Variants in TYR observed in about 807,000 individuals in gnomAD.
TYR encodes the protein tyrosinase.
In TYR, 58 loss-of-function variants were observed where a neutral mutation model predicts 51.5. The observed-to-expected ratio is 1.13, with a 90% confidence interval of 0.91 to 1.40. The LOEUF (loss-of-function observed/expected upper bound fraction) is 1.40. Among genes scored for constraint, TYR ranks in the 40% most tolerant of loss-of-function variants. The pLI is 0.00. For missense variants in TYR, 732 were observed against 647.4 expected (o/e 1.13, Z -1.42); for synonymous variants, 263 against 235.2 (o/e 1.12, Z -1.08).
chr11:89,294,063 G>A (rs1288551569), intron 4 of TYR: 1 of 174,796 alleles, frequency 5.7e-6, no homozygotes, highest in African/African-American at 2.4e-5. Flanking sequence ...ATTAAGGAAT[G>A]TTTCAATTAA....
intron 4 of TYR, among the ~76,000 whole-genome samples, chr11:89,288,108 A>G (rs2135326720): frequency 6.6e-6 from 1 of 152,070 alleles, no homozygotes; most frequent in Admixed American, 6.6e-5. Flanking sequence ...TGGGACGGCA[A>G]GGTGAATGTC....
At position 89,178,153 on chromosome 11, in the gene TYR, C is replaced by T; in HGVS notation, c.200C>T (p.Pro67Leu). ...NILLSNAPLG[P>L]QFPFTGVDDR... ...CTTCTGTCCAATGCACCACTTGGGC[C>T]TCAATTTCCCTTCACAGGGGTGGAT... Residue 67 changes from proline (P) to leucine (L), a missense_variant, in exon 1 of 5, where the codon CCT becomes CTT. Coordinates refer to ENST00000263321, the MANE Select transcript of TYR (RefSeq NM_000372.5). The T allele has an allele frequency of 6.2e-7, 1 of 1,614,188 alleles. No individual in the cohort carries two copies. Among genetic ancestry groups the T allele is most frequent in the South Asian group, 1.1e-5 (1 of 91,084 alleles).
rs779383280 is a variant in TYR at position 89,178,032 on chromosome 11, T to C, written c.79T>C (p.Ser27Pro). ...CCATTTCCCTAGAGCCTGTGTCTCC[T>C]CTAAGAACCTGATGGAGAAGGAATG... ...AGHFPRACVS[S>P]KNLMEKECCP... The change falls in exon 1 of 5, where the codon TCT (serine) becomes CCT (proline). Residue 27 changes from serine to proline, a missense_variant. By Grantham distance (74) the Ser-to-Pro change is moderately conservative. Coordinates refer to ENST00000263321, the MANE Select transcript of TYR (RefSeq NM_000372.5). 1.2e-6 allele frequency: 2 copies of C among 1,614,152 alleles called. No individual in the cohort carries two copies. Among genetic ancestry groups the C allele is most frequent in the Non-Finnish European group, 1.7e-6 (2 of 1,180,010 alleles).
At chr11:89,271,714 T>C (rs1306254077) in intron 3 of TYR, among the ~76,000 whole-genome samples, 2 of 151,928 alleles carry the variant, frequency 1.3e-5, no homozygotes, top group African/African-American at 4.8e-5. Flanking sequence ...TGCTGTTTGA[T>C]AGCATTTTGC....
At chr11:89,198,099 A>G (rs980993883) in intron 2 of TYR, among the ~76,000 whole-genome samples, 3 of 152,118 alleles carry the variant, frequency 2.0e-5, no homozygotes, top group South Asian at 2.1e-4. Context: ...TGACATTTAA[A>G]CAAGAATAGT....
intron 2 of TYR, among the ~76,000 whole-genome samples, chr11:89,222,467 G>A (rs889737030): frequency 1.8e-4 from 27 of 152,248 alleles, no homozygotes; most frequent in African/African-American, 6.0e-4. Flanking sequence ...TGCCGGGCAC[G>A]GTGTCTCACG....
At chr11:89,212,756 C>A (rs1377544104) in intron 2 of TYR, among the ~76,000 whole-genome samples, 2 of 152,212 alleles carry the variant, frequency 1.3e-5, no homozygotes, top group Non-Finnish European at 2.9e-5. Flanking sequence ...AAGTTGGCTT[C>A]ATCCCCGGGA....
intron 2 of TYR, among the ~76,000 whole-genome samples, chr11:89,209,207 G>C (rs566069489): frequency 1.3e-5 from 2 of 152,334 alleles, no homozygotes; most frequent in East Asian, 3.9e-4. Context: ...GTGAGTGACT[G>C]TACCTGGAGG....
At chr11:89,255,268 T>A (rs1331121762) in intron 3 of TYR, among the ~76,000 whole-genome samples, 1 of 151,838 alleles carries the variant, frequency 6.6e-6, no homozygotes, top group Admixed American at 6.6e-5. Flanking sequence ...CATGTGCTGA[T>A]GAATAGAATG....
chr11:89,185,821 T>C (rs933515347), intron 1 of TYR, among the ~76,000 whole-genome samples: 2 of 152,062 alleles, frequency 1.3e-5, no homozygotes, highest in African/African-American at 4.8e-5. Flanking sequence ...CTAAGAAAAA[T>C]AAAAAAATAT....
At chr11:89,182,943 C>T (rs1251304409) in intron 1 of TYR, among the ~76,000 whole-genome samples, 2 of 151,958 alleles carry the variant, frequency 1.3e-5, no homozygotes, top group African/African-American at 4.8e-5. Context: ...GTGAAAAGCA[C>T]ATCACATGGA....
chr11:89,264,026 TC>T (rs1349120515), intron 3 of TYR, among the ~76,000 whole-genome samples: 1 of 152,064 alleles, frequency 6.6e-6, no homozygotes, highest in Admixed American at 6.6e-5. Flanking sequence ...TAGTAGATTT[TC>T]TTGAATAAAT....
intron 3 of TYR, among the ~76,000 whole-genome samples, chr11:89,257,628 C>A (rs528734056): frequency 2.8e-4 from 42 of 152,034 alleles, no homozygotes; most frequent in African/African-American, 9.6e-4. Context: ...CAGACAGACA[C>A]AAATTAGGTT....
chr11:89,193,799 T>A (rs78563361), intron 2 of TYR, among the ~76,000 whole-genome samples: 1,597 of 152,280 alleles, frequency 0.01, 16 homozygotes, highest in Non-Finnish European at 0.018. Flanking sequence ...TACAGAGATG[T>A]TGTGAAAATA....
At chr11:89,219,362 T>C (rs1466739084) in intron 2 of TYR, among the ~76,000 whole-genome samples, 1 of 150,890 alleles carries the variant, frequency 6.6e-6, no homozygotes. Flanking sequence ...AGTGGAGCGA[T>C]CTTGGCTCTC....
At chr11:89,290,038 C>T (rs1306597337) in intron 4 of TYR, among the ~76,000 whole-genome samples, 2 of 152,100 alleles carry the variant, frequency 1.3e-5, no homozygotes, top group African/African-American at 2.4e-5. Flanking sequence ...GTAATGGCCC[C>T]TAACTACTTC....
chr11:89,210,045 C>G (rs1467735816), intron 2 of TYR, among the ~76,000 whole-genome samples: 8 of 152,098 alleles, frequency 5.3e-5, no homozygotes, highest in Admixed American at 5.2e-4. Flanking sequence ...ATTCCAAAAA[C>G]CAGAATGCCT....
chr11:89,295,349 T>A lies in TYR; in HGVS notation c.1573T>A (p.Tyr525Asn), dbSNP rs1944896886. 3.1e-6 allele frequency: 5 copies of A among 1,611,522 alleles called. No individual in the cohort carries two copies. The highest frequency in any genetic ancestry group is 4.2e-6 in the Non-Finnish European group (5 of 1,178,544). ...LMEKEDYHSL[Y>N]QSHL is the part of the protein sequence containing the mutation. ...GGAGAAAGAGGATTACCACAGCTTG[T>A]ATCAGAGCCATTTATAAAAGGCTTA... Residue 525 changes from tyrosine to asparagine, a missense_variant, in exon 5 of 5, where the codon TAT (tyrosine) becomes AAT (asparagine). Physicochemically the swap from Tyr to Asn is moderately radical, Grantham distance 143. Transcript: ENST00000263321.
At chr11:89,263,735 C>T (rs1294784523) in intron 3 of TYR, among the ~76,000 whole-genome samples, 1 of 151,956 alleles carries the variant, frequency 6.6e-6, no homozygotes, top group Non-Finnish European at 1.5e-5. Context: ...AAAACAATTT[C>T]AGTAATATCA....
Sources: allele counts gnomAD v4.1 joint callset (sites outside exome capture counted in the v4.1 genomes callset), GRCh38; gene constraint gnomAD v4.1.1; transcripts MANE v1.5; gene names NCBI Gene and HGNC (gene_info 2026-07-23, HGNC 2026-07-21).